The following VPS45 variants were observed in gnomAD, a reference collection of about 807,000 sequenced individuals.
The protein encoded by VPS45 is vacuolar protein sorting-associated protein 45.
Under a neutral mutation model 75.9 loss-of-function variants are expected in VPS45, and 35 were observed. The ratio of observed to expected loss-of-function variants is 0.46; its 90% confidence interval spans 0.35 to 0.61. The LOEUF is 0.61. VPS45 is among the 20% of genes least tolerant of loss of function. VPS45 has a pLI of 0.00. For synonymous variants in VPS45, 220 were observed against 238.2 expected, an observed-to-expected ratio of 0.92 and a Z score of 0.70; for missense variants, 559 against 685.9, an observed-to-expected ratio of 0.81 and a Z score of 2.07.
intron 14 of VPS45, among the ~76,000 whole-genome samples, chr1:150,116,578 T>G (rs1381780250): frequency 1.3e-5 from 2 of 152,200 alleles, no homozygotes; most frequent in African/African-American, 4.8e-5. Context: ...ATGCATTTCC[T>G]TCCTCAGTAT....
intron 7 of VPS45, among the ~76,000 whole-genome samples, chr1:150,079,208 C>T (rs1259093193): frequency 6.6e-6 from 1 of 151,546 alleles, no homozygotes; most frequent in African/African-American, 2.4e-5. Flanking sequence ...TTGTTCTTAT[C>T]TCCTGAAAAT....
intron 14 of VPS45, among the ~76,000 whole-genome samples, chr1:150,114,965 A>C (rs1396964934): frequency 6.6e-6 from 1 of 151,900 alleles, no homozygotes; most frequent in African/African-American, 2.4e-5. Flanking sequence ...GCCTTTGTCT[A>C]AAAGTGTCTT....
intron 13 of VPS45, among the ~76,000 whole-genome samples, chr1:150,100,557 G>A (rs1571863229): frequency 6.6e-6 from 1 of 152,176 alleles, no homozygotes; most frequent in African/African-American, 2.4e-5. Flanking sequence ...AAAGCTGGAA[G>A]AATCACGTTA....
intron 10 of VPS45, among the ~76,000 whole-genome samples, chr1:150,086,167 T>TA (rs1656004635): frequency 6.6e-6 from 1 of 152,126 alleles, no homozygotes; most frequent in Admixed American, 6.6e-5. Flanking sequence ...TGAAGCAGTA[T>TA]AGAGTAGTGG....
In VPS45 at chr1:150,140,046, A is replaced by G. The variant is rs181470281; in HGVS notation, c.1626-4663A>G. ...GTAGCTGAGATTACAGGCATGCACCACCACGCCTGGCTAATTTTTGTATTT... is the reference window on the plus strand; with the variant it reads ...GTAGCTGAGATTACAGGCATGCACCGCCACGCCTGGCTAATTTTTGTATTT... On this transcript the variant is annotated intron_variant, in intron 14 of 14. Transcript: ENST00000644510. Among the ~76,000 whole-genome samples the G allele has an allele frequency of 4.3e-3, 653 of 152,256 alleles. 4 individuals are homozygous for G. The highest frequency in any genetic ancestry group is 0.015 in the African/African-American group (616 of 41,542).
chr1:150,084,158 T>C (rs942789463), intron 10 of VPS45, among the ~76,000 whole-genome samples: 2 of 152,088 alleles, frequency 1.3e-5, no homozygotes, highest in African/African-American at 4.8e-5. Flanking sequence ...CAGTTTGACC[T>C]GTAGAGAGTG....
In VPS45 at chr1:150,081,968, C is replaced by T; in HGVS notation, c.907C>T (p.Gln303Ter). The change falls in exon 9 of 15, where the codon CAA becomes TAA. Residue 303 changes from glutamine (Q) to a stop codon, truncating the protein, a stop_gained. Coordinates refer to ENST00000644510, the MANE Select transcript of VPS45 (RefSeq NM_007259.5). LOFTEE classifies it high-confidence loss of function. ...DFQKKKPKEQ[Q>*]KLESIADMKA... Reference sequence around the variant, plus strand: ...TCAGAAGAAGAAACCAAAAGAACAGCAAAAACTAGAATCAATAGCAGACAT... The same window carrying T: ...TCAGAAGAAGAAACCAAAAGAACAGTAAAAACTAGAATCAATAGCAGACAT... The T allele has an allele frequency of 1.2e-6, 2 of 1,611,080 alleles. No individual in the cohort carries two copies. The highest frequency in any genetic ancestry group is 1.1e-5 in the South Asian group (1 of 90,726).
rs782596399 is a variant in VPS45 at position 150,091,890 on chromosome 1, A to G, written c.1105-47A>G. 2.5e-6 allele frequency: 4 copies of G among 1,574,406 alleles called. No homozygotes were observed. The East Asian group carries it at 9.0e-5, about 35-fold the overall frequency. ...TTAGATCTAAGGCATTGTACAACAG[A>G]TGACTCAAGTGAAAGGGGGATAAAT... is the stretch of plus-strand genomic sequence containing the variant. On this transcript the variant is annotated intron_variant, in intron 10 of 14. Transcript: ENST00000644510.
chr1:150,144,182 C>T (rs184211656), intron 14 of VPS45, among the ~76,000 whole-genome samples: 215 of 151,704 alleles, frequency 1.4e-3, no homozygotes, highest in Middle Eastern at 3.4e-3. Context: ...CTCCTGGGCT[C>T]GAGCAATCCA....
intron 9 of VPS45, 97 bp from the exon 10 acceptor site, chr1:150,082,619 G>A (rs1655779956): frequency 1.4e-6 from 2 of 1,476,240 alleles, no homozygotes; most frequent in East Asian, 2.3e-5. Flanking sequence ...AATCTGGGCT[G>A]AAAAACAACC....
intron 10 of VPS45, among the ~76,000 whole-genome samples, chr1:150,086,117 A>G (rs1656002292): frequency 6.6e-6 from 1 of 152,110 alleles, no homozygotes; most frequent in South Asian, 2.1e-4. Context: ...TAAGGACTCA[A>G]TAAATATTTA....
At chr1:150,112,151 CT>C (rs1268401882) in intron 14 of VPS45, among the ~76,000 whole-genome samples, 2 of 151,810 alleles carry the variant, frequency 1.3e-5, no homozygotes, top group African/African-American at 4.8e-5. Flanking sequence ...TGAAGTATTC[CT>C]TTTTTTCTTA....
intron 2 of VPS45, among the ~76,000 whole-genome samples, chr1:150,069,068 G>A (rs1654882563): frequency 6.6e-6 from 1 of 152,120 alleles, no homozygotes; most frequent in South Asian, 2.1e-4. Flanking sequence ...CTGTCACATT[G>A]AACACCATCA....
In VPS45 at chr1:150,093,534, A is replaced by T. The variant is rs1656456956; in HGVS notation, c.1379A>T (p.Glu460Val). Reference protein sequence around the residue: ...KQFLKGLKGVENVYTQHQPFL... With the variant: ...KQFLKGLKGVVNVYTQHQPFL... ...CATTTTCCCCTGTTTTAGGGAGTAGAAAATGTATATACACAGCATCAACCT... is the reference window on the plus strand; with the variant it reads ...CATTTTCCCCTGTTTTAGGGAGTAGTAAATGTATATACACAGCATCAACCT... The change falls in exon 13 of 15, where the codon GAA becomes GTA. Residue 460 changes from glutamate to valine, a missense_variant. By Grantham distance (121) the Glu-to-Val change is moderately radical (BLOSUM62 -2). Transcript: ENST00000644510. 1.2e-6 allele frequency: 2 copies of T among 1,612,358 alleles called. No individual in the cohort carries two copies. Among genetic ancestry groups the T allele is most frequent in the African/African-American group, 2.7e-5 (2 of 74,952 alleles).
intron 4 of VPS45, 113 bp downstream of exon 4, chr1:150,076,425 C>T: frequency 1.4e-6 from 1 of 690,114 alleles, no homozygotes; most frequent in Non-Finnish European, 2.3e-6. Context: ...ATTATGAATA[C>T]TTGAATATGT....
chr1:150,075,424 A>G (rs1396321676), intron 3 of VPS45, among the ~76,000 whole-genome samples: 2 of 152,066 alleles, frequency 1.3e-5, no homozygotes, highest in Non-Finnish European at 2.9e-5. Context: ...AGCCTTAATT[A>G]GGTTAAGATT....
intron 2 of VPS45, among the ~76,000 whole-genome samples, chr1:150,070,793 G>A (rs1655021380): frequency 6.6e-6 from 1 of 151,800 alleles, no homozygotes; most frequent in Non-Finnish European, 1.5e-5. Flanking sequence ...TGGCGACAGA[G>A]CAAGACTCCG....
chr1:150,068,895 T>A, intron 2 of VPS45, 131 bp downstream of exon 2: 1 of 974,986 alleles, frequency 1.0e-6, no homozygotes, highest in Middle Eastern at 2.3e-4. Context: ...TCATCAGTGT[T>A]ATAACCTTCA....
chr1:150,101,797 T>C (rs1372187981), intron 13 of VPS45, among the ~76,000 whole-genome samples: 1 of 151,694 alleles, frequency 6.6e-6, no homozygotes, highest in Non-Finnish European at 1.5e-5. Flanking sequence ...GGAACACTTG[T>C]ATGCTGTTGG....
Sources: gnomAD v4.1 joint callset for allele counts (sites outside exome capture counted in the v4.1 genomes callset) on GRCh38, gnomAD v4.1.1 for gene constraint, MANE v1.5 for transcripts, NCBI Gene and HGNC (gene_info 2026-07-23, HGNC 2026-07-21) for gene names.